The following SUGCT variants were observed in gnomAD, a reference collection of about 807,000 sequenced individuals.
SUGCT encodes the protein succinyl-CoA:glutarate-CoA transferase, also known as succinyl-CoA:glutarate CoA-transferase.
A neutral mutation model predicts 55.0 loss-of-function variants in SUGCT; 41 were observed. That is an observed-to-expected ratio of 0.74 (90% confidence interval 0.58 to 0.97). The LOEUF is 0.97. SUGCT is among the 50% of genes least tolerant of loss of function. SUGCT has a pLI of 0.00. For synonymous variants in SUGCT, 187 were observed against 200.4 expected (o/e 0.93, Z 0.56); for missense variants, 568 against 547.8 (o/e 1.04, Z -0.37).
At chr7:40,579,435 C>T (rs771385921) in intron 12 of SUGCT, among the ~76,000 whole-genome samples, 8 of 152,276 alleles carry the variant, frequency 5.3e-5, no homozygotes, top group East Asian at 1.9e-4. Flanking sequence ...CACCCCCACA[C>T]GTCAGGCCCA....
intron 12 of SUGCT, among the ~76,000 whole-genome samples, chr7:40,562,752 A>G (rs905016579): frequency 6.6e-6 from 1 of 152,202 alleles, no homozygotes; most frequent in Non-Finnish European, 1.5e-5. Flanking sequence ...TTTCACGCTA[A>G]GGAAAGAAGG....
intron 6 of SUGCT, among the ~76,000 whole-genome samples, chr7:40,203,833 G>A (rs550524705): frequency 4.6e-5 from 7 of 151,882 alleles, no homozygotes; most frequent in African/African-American, 1.7e-4. Context: ...ACATATTTTG[G>A]CTAATGTTGT....
the SUGCT span, among the ~76,000 whole-genome samples, chr7:40,915,155 G>A: frequency 3.9e-5 from 6 of 152,114 alleles, no homozygotes; most frequent in Admixed American, 6.6e-5. Context: ...CTTAAGGTGC[G>A]GCTGGTTGGT....
At chr7:40,161,142 C>T (rs1784125797) in intron 1 of SUGCT, among the ~76,000 whole-genome samples, 1 of 152,180 alleles carries the variant, frequency 6.6e-6, no homozygotes, top group Non-Finnish European at 1.5e-5. Flanking sequence ...GAAGAGAAGT[C>T]TCTGGGAGGA....
chr7:40,506,195 A>AT (rs1562824322), intron 12 of SUGCT, among the ~76,000 whole-genome samples: 1 of 151,996 alleles, frequency 6.6e-6, no homozygotes, highest in East Asian at 1.9e-4. Flanking sequence ...AGCAATGTGA[A>AT]TTTTTTTCCA....
the SUGCT span, among the ~76,000 whole-genome samples, chr7:40,907,132 TGTGTGTGTGAGAGAGA>T: frequency 3.2e-4 from 16 of 49,710 alleles, no homozygotes; most frequent in Admixed American, 1.4e-3. Context: ...TGTGTGTGTG[TGTGTGTGTGAGAGAGA>T]GAGAGAGAGA....
chr7:40,641,130 T>C (rs1441278436), intron 12 of SUGCT, among the ~76,000 whole-genome samples: 3 of 152,228 alleles, frequency 2.0e-5, no homozygotes, highest in Non-Finnish European at 4.4e-5. Context: ...TTTCAAATGA[T>C]TTATGGGAAG....
chr7:40,372,326 A>C (rs547199699), intron 9 of SUGCT, among the ~76,000 whole-genome samples: 55 of 152,184 alleles, frequency 3.6e-4, no homozygotes, highest in Non-Finnish European at 6.3e-4. Context: ...CTACATCTTT[A>C]ATTAATTAAT....
At chr7:41,036,818 C>A in the SUGCT span, among the ~76,000 whole-genome samples, 13 of 152,298 alleles carry the variant, frequency 8.5e-5, no homozygotes, top group African/African-American at 1.9e-4. Flanking sequence ...TAATCCCAGA[C>A]CTTTATTCCC....
At chr7:40,153,368 G>T in intron 1 of SUGCT, 2 of 361,060 alleles carry the variant, frequency 5.5e-6, no homozygotes, top group South Asian at 5.3e-5. Flanking sequence ...GATTCTGGGG[G>T]TGATGTTTAA....
intron 7 of SUGCT, among the ~76,000 whole-genome samples, chr7:40,273,229 A>G (rs913722512): frequency 4.6e-5 from 7 of 152,192 alleles, no homozygotes; most frequent in African/African-American, 1.7e-4. Context: ...AGCAGGGAAA[A>G]ATAAGTTTAG....
chr7:40,642,154 A>C (rs1800298222), intron 12 of SUGCT, among the ~76,000 whole-genome samples: 1 of 152,156 alleles, frequency 6.6e-6, no homozygotes, highest in African/African-American at 2.4e-5. Context: ...CCTGACACTC[A>C]CTGGCTTTTT....
At chr7:40,815,983 A>G (rs1327661919) in intron 13 of SUGCT, among the ~76,000 whole-genome samples, 3 of 152,174 alleles carry the variant, frequency 2.0e-5, no homozygotes, top group Non-Finnish European at 4.4e-5. Context: ...CTGCTATACC[A>G]CAATCTCAGA....
At chr7:40,716,629 T>C (rs2128678751) in intron 12 of SUGCT, among the ~76,000 whole-genome samples, 1 of 152,256 alleles carries the variant, frequency 6.6e-6, no homozygotes, top group South Asian at 2.1e-4. Flanking sequence ...TTTTTGAGAT[T>C]ACTTTTATTA....
intron 12 of SUGCT, among the ~76,000 whole-genome samples, chr7:40,522,217 T>G (rs1793569239): frequency 6.6e-6 from 1 of 152,148 alleles, no homozygotes; most frequent in South Asian, 2.1e-4. Context: ...TACCAGCAAC[T>G]AATTCAAACT....
intron 6 of SUGCT, among the ~76,000 whole-genome samples, chr7:40,235,607 G>A (rs1156976211): frequency 2.0e-5 from 3 of 152,202 alleles, no homozygotes; most frequent in South Asian, 2.1e-4. Flanking sequence ...GATTATAGGC[G>A]TGAGCCACCG....
At chr7:40,913,155 C>T in the SUGCT span, among the ~76,000 whole-genome samples, 10 of 151,838 alleles carry the variant, frequency 6.6e-5, no homozygotes, top group Non-Finnish European at 1.2e-4. Flanking sequence ...GGACTACAGG[C>T]GTGTGCCACC....
chr7:40,643,861 G>A (rs896085857), intron 12 of SUGCT, among the ~76,000 whole-genome samples: 8 of 152,150 alleles, frequency 5.3e-5, no homozygotes, highest in African/African-American at 1.9e-4. Context: ...GCCTAACTGG[G>A]GAGAGTAGCT....
intron 6 of SUGCT, among the ~76,000 whole-genome samples, chr7:40,205,640 CAAAAAA>C (rs67396482): frequency 1.3e-5 from 1 of 77,464 alleles, no homozygotes. Context: ...AACTTCATCT[CAAAAAA>C]AAAAAAAAAA....
Sources: gnomAD v4.1 joint callset for allele counts (sites outside exome capture counted in the v4.1 genomes callset) on GRCh38, gnomAD v4.1.1 for gene constraint, MANE v1.5 for transcripts, NCBI Gene and HGNC (gene_info 2026-07-23, HGNC 2026-07-21) for gene names.